The following EVI5L variants were observed in gnomAD, a reference collection of about 807,000 sequenced individuals.
EVI5L encodes ecotropic viral integration site 5 like.
Under a neutral mutation model 106.1 loss-of-function variants are expected in EVI5L, and 30 were observed. The ratio of observed to expected loss-of-function variants is 0.28; its 90% confidence interval spans 0.21 to 0.38. EVI5L has a LOEUF of 0.38. Ranked by LOEUF, EVI5L falls within the 10% of genes least tolerant of loss-of-function variation. The probability of loss-of-function intolerance (pLI) is 1.00; values close to 1 mark genes in which losing one functional copy is unlikely to be tolerated. For synonymous variants in EVI5L, 489 were observed against 483.3 expected, an observed-to-expected ratio of 1.01 and a Z score of -0.15; for missense variants, 809 against 1,098.0, an observed-to-expected ratio of 0.74 and a Z score of 3.72.
At chr19:7,837,681 T>C (rs1978399600) in intron 1 of EVI5L, among the ~76,000 whole-genome samples, 1 of 152,172 alleles carries the variant, frequency 6.6e-6, no homozygotes, top group Non-Finnish European at 1.5e-5. Flanking sequence ...ACGTTTTTGT[T>C]TGTTTGGTTT....
At chr19:7,831,656 T>C (rs775612132) in intron 1 of EVI5L, among the ~76,000 whole-genome samples, 1 of 152,230 alleles carries the variant, frequency 6.6e-6, no homozygotes, top group Non-Finnish European at 1.5e-5. Context: ...CCTACACTAG[T>C]GTCCCGAAGG....
At chr19:7,837,586 C>T (rs985315195) in intron 1 of EVI5L, among the ~76,000 whole-genome samples, 3 of 152,184 alleles carry the variant, frequency 2.0e-5, no homozygotes, top group African/African-American at 7.2e-5. Context: ...TCCCAGGATC[C>T]CACATGACAT....
chr19:7,844,034 G>C (rs969195967), intron 1 of EVI5L, among the ~76,000 whole-genome samples: 2 of 151,952 alleles, frequency 1.3e-5, no homozygotes, highest in African/African-American at 4.8e-5. Context: ...GACGGCTCCC[G>C]GGTTTGGGGG....
chr19:7,863,920 C>A lies in EVI5L; in HGVS notation c.*218C>A. ...GCTCTCTATCCCCAGCAGTGTTTAC[C>A]CATCTTGGTCTGTACCCCTCCGGGC... On this transcript the variant is annotated 3_prime_UTR_variant, in exon 20 of 20. Transcript: ENST00000538904. This position sits in a 1 kb window ranked among gnomAD's most constrained non-coding sequence, Gnocchi z 7.7. The A allele has an allele frequency of 1.7e-6, 1 of 605,366 alleles. No individual in the cohort carries two copies. Among genetic ancestry groups the A allele is most frequent in the Non-Finnish European group, 2.7e-6 (1 of 374,310 alleles). 37.5% of individuals were successfully genotyped at this position (605,366 alleles called of 1,614,324 possible). A position where few individuals can be genotyped will look rare whatever the true frequency, so the allele number is the denominator to read the frequency against.
intron 1 of EVI5L, among the ~76,000 whole-genome samples, chr19:7,834,404 C>T (rs906764451): frequency 3.9e-5 from 6 of 151,938 alleles, no homozygotes; most frequent in African/African-American, 1.5e-4. Context: ...TTATAATAGC[C>T]AAAAGTAATC....
chr19:7,862,162 G>A lies in EVI5L; in HGVS notation c.1685G>A (p.Arg562Gln). The change falls in exon 16 of 20, where the codon CGG (arginine) becomes CAG (glutamine). Residue 562 changes from arginine to glutamine, a missense_variant. Arg to Gln is a conservative substitution (Grantham distance 43). This residue lies in a region of EVI5L where 452 missense variants were observed against 509.9 expected (regional missense o/e 0.89). Coordinates refer to ENST00000538904, the MANE Select transcript of EVI5L (RefSeq NM_001159944.3). The part of the protein sequence containing the change: ...ARGGRWKESP[R>Q]KLVVGELQDE... ...GGCGGCCGCTGGAAGGAGTCCCCAC[G>A]GAAGCTGGTCGTGGGCGAGCTGCAG... 5.1e-6 allele frequency: 8 copies of A among 1,577,212 alleles called. No individual in the cohort carries two copies. The highest frequency in any genetic ancestry group is 6.0e-6 in the Non-Finnish European group (7 of 1,166,270).
At chr19:7,853,922 G>A (rs536293282) in intron 10 of EVI5L, among the ~76,000 whole-genome samples, 30 of 152,340 alleles carry the variant, frequency 2.0e-4, no homozygotes, top group African/African-American at 6.5e-4. Context: ...TTTCCTGAGT[G>A]TGCAAAGCTT....
At chr19:7,861,834 C>A in intron 14 of EVI5L, 44 bp from the exon 15 acceptor site, 1 of 1,546,834 alleles carries the variant, frequency 6.5e-7, no homozygotes, top group Non-Finnish European at 8.7e-7. Flanking sequence ...AAGGGCCATG[C>A]GGCTGCGCTG....
At chr19:7,830,674 AC>A (rs2146406336) in intron 1 of EVI5L, among the ~76,000 whole-genome samples, 1 of 126,046 alleles carries the variant, frequency 7.9e-6, no homozygotes, top group African/African-American at 3.0e-5. Flanking sequence ...CTTTGCAGTG[AC>A]CCTCAGGACT....
At chr19:7,841,011 C>T (rs1978577102) in intron 1 of EVI5L, among the ~76,000 whole-genome samples, 1 of 152,164 alleles carries the variant, frequency 6.6e-6, no homozygotes, top group African/African-American at 2.4e-5. Flanking sequence ...CTTTGAGGAA[C>T]CGCCTGACTG....
chr19:7,863,350 C>G lies in EVI5L; in HGVS notation c.2139+70C>G. 6.5e-7 allele frequency: 1 copy of G among 1,543,648 alleles called. No homozygotes were observed. Among genetic ancestry groups the G allele is most frequent in the Non-Finnish European group, 8.7e-7 (1 of 1,143,616 alleles). ...GCCTGGGACGAGCCGAGCGCAGGTG[C>G]CTTGCGGAGGATGCGGCTGGGAGGG... On this transcript the variant is annotated intron_variant, in intron 19 of 19. Transcript: ENST00000538904. The surrounding 1 kb of genome is among the most constrained non-coding windows in gnomAD (Gnocchi z 7.7).
At chr19:7,839,583 G>C (rs1978507186) in intron 1 of EVI5L, among the ~76,000 whole-genome samples, 1 of 152,142 alleles carries the variant, frequency 6.6e-6, no homozygotes, top group African/African-American at 2.4e-5. Flanking sequence ...CATGGACAGA[G>C]CATCAGAAAG....
At position 7,857,967 on chromosome 19, in the gene EVI5L, G is replaced by T; in HGVS notation, c.1234-224G>T. ...ATGGAGCTTTCCAAGCCCAGGGCTAGCTCTGTTCCTCCCGGGCTCCTCCAG... is the reference window on the plus strand; with the variant it reads ...ATGGAGCTTTCCAAGCCCAGGGCTATCTCTGTTCCTCCCGGGCTCCTCCAG... On this transcript the variant is annotated intron_variant, in intron 12 of 19. Transcript: ENST00000538904. The surrounding 1 kb of genome is among the most constrained non-coding windows in gnomAD (Gnocchi z 4.5). The T allele has an allele frequency of 1.8e-6, 1 of 564,562 alleles. No individual in the cohort carries two copies. Among genetic ancestry groups the T allele is most frequent in the Non-Finnish European group, 3.2e-6 (1 of 316,092 alleles). 35.0% of individuals were successfully genotyped at this position (564,562 alleles called of 1,614,324 possible). A position where few individuals can be genotyped will look rare whatever the true frequency, so the allele number is the denominator to read the frequency against.
chr19:7,855,432 T>A (rs540818930), intron 10 of EVI5L, among the ~76,000 whole-genome samples: 1 of 152,148 alleles, frequency 6.6e-6, no homozygotes, highest in African/African-American at 2.4e-5. Flanking sequence ...CAGCACAGAA[T>A]GGAAGGCAGG....
At chr19:7,846,956 G>T (rs954495433) in intron 2 of EVI5L, among the ~76,000 whole-genome samples, 1 of 152,204 alleles carries the variant, frequency 6.6e-6, no homozygotes, top group Non-Finnish European at 1.5e-5. Flanking sequence ...AGGAAGAGTC[G>T]ATTCGGGCCT....
chr19:7,852,798 C>A, intron 8 of EVI5L: 1 of 382,090 alleles, frequency 2.6e-6, no homozygotes, highest in Non-Finnish European at 4.9e-6. Flanking sequence ...TTTATTTCTC[C>A]CACCTCAGGC....
At position 7,839,547 on chromosome 19, in the gene EVI5L, G is replaced by A. The variant is rs563917653; in HGVS notation, c.-47-6949G>A. On this transcript the variant is annotated intron_variant, in intron 1 of 19. Transcript: ENST00000538904. ...GGCAGGCAATGACGTGGCAAGAGCT[G>A]CAGTTCTGTATGGTTCTGGTGGCCC... 2.6e-5 allele frequency among the ~76,000 whole-genome samples: 4 copies of A among 152,296 alleles called. No individual in the cohort carries two copies. The East Asian group carries it at 7.7e-4, about 29-fold the overall frequency.
intron 10 of EVI5L, among the ~76,000 whole-genome samples, chr19:7,854,031 C>T (rs1979402792): frequency 6.6e-6 from 1 of 152,192 alleles, no homozygotes; most frequent in Non-Finnish European, 1.5e-5. Context: ...CATGTAATCC[C>T]AGCACTTTGG....
In EVI5L at chr19:7,850,305, C is replaced by T. The variant is rs1400214413; in HGVS notation, c.753+183C>T. Among the ~76,000 whole-genome samples the T allele has an allele frequency of 6.6e-6, 1 of 152,142 alleles. No individual in the cohort carries two copies. The highest frequency in any genetic ancestry group is 1.9e-4 in the East Asian group (1 of 5,186). ...GACGTTCCAACTCCAAAAGGCACTC[C>T]TCTTTCCATGCAGCACTGCCCTGAA... On this transcript the variant is annotated intron_variant, in intron 6 of 19. Transcript: ENST00000538904. This position sits in a 1 kb window ranked among gnomAD's most constrained non-coding sequence, Gnocchi z 5.4.
Sources: allele counts gnomAD v4.1 joint callset (sites outside exome capture counted in the v4.1 genomes callset), GRCh38; gene constraint gnomAD v4.1.1; regional missense constraint gnomAD v4.1.1; non-coding constraint Gnocchi (gnomAD v3.1); transcripts MANE v1.5; gene names NCBI Gene and HGNC (gene_info 2026-07-23, HGNC 2026-07-21).